HEBP1: variants seen among roughly 807,000 people sequenced by gnomAD.
HEBP1 encodes heme binding protein 1, also known as heme-binding protein 1.
A neutral mutation model predicts 20.4 loss-of-function variants in HEBP1; 13 were observed. The ratio of observed to expected loss-of-function variants is 0.64; its 90% CI spans 0.42 to 1.01. HEBP1 has a LOEUF of 1.01. Among genes scored for constraint, HEBP1 ranks in the 50% least tolerant of loss-of-function variants. HEBP1 has a pLI of 0.00. For synonymous variants in HEBP1, 92 were observed against 90.7 expected, an observed-to-expected ratio of 1.01 and a Z score of -0.08; for missense variants, 241 against 247.3, an observed-to-expected ratio of 0.97 and a Z score of 0.17.
chr12:12,993,624 G>C (rs1341987378), intron 1 of HEBP1, among the ~76,000 whole-genome samples: 1 of 152,072 alleles, frequency 6.6e-6, no homozygotes, highest in East Asian at 1.9e-4. Flanking sequence ...ATTCAGAATA[G>C]AGGTATCAGA....
chr12:12,985,122 TG>T (rs1369608574), intron 3 of HEBP1, among the ~76,000 whole-genome samples: 2 of 151,082 alleles, frequency 1.3e-5, no homozygotes, highest in African/African-American at 4.9e-5. Context: ...CACTCCAGCC[TG>T]GGCAACAGAG....
intron 3 of HEBP1, chr12:12,980,231 G>A (rs2136539080): frequency 6.6e-6 from 1 of 152,354 alleles, no homozygotes; most frequent in East Asian, 1.9e-4. Context: ...TGTGCTTATT[G>A]AGTTGAACAT....
intron 3 of HEBP1, among the ~76,000 whole-genome samples, chr12:12,978,199 G>GTTTTTTTTTT (rs76634642): frequency 1.3e-5 from 1 of 75,056 alleles, no homozygotes; most frequent in African/African-American, 5.5e-5. Flanking sequence ...CTACGAAAGG[G>GTTTTTTTTTT]TTTTTTTTTT....
At chr12:12,977,457 C>G (rs1001169003) in intron 3 of HEBP1, 4 of 152,220 alleles carry the variant, frequency 2.6e-5, no homozygotes, top group Admixed American at 2.6e-4. Context: ...TGCCTGTGGT[C>G]CCAGCTACTT....
At chr12:12,978,696 A>G (rs1484940908) in intron 3 of HEBP1, among the ~76,000 whole-genome samples, 2 of 151,936 alleles carry the variant, frequency 1.3e-5, no homozygotes, top group African/African-American at 4.8e-5. Context: ...ATGTGGAGGG[A>G]GGTAAGAGAG....
intron 3 of HEBP1, among the ~76,000 whole-genome samples, chr12:12,982,086 G>C (rs763232074): frequency 2.0e-5 from 3 of 152,156 alleles, no homozygotes; most frequent in Non-Finnish European, 4.4e-5. Context: ...GCCTCCCAAA[G>C]TACTAGAATT....
At chr12:12,993,171 CT>C (rs1864247218) in intron 1 of HEBP1, among the ~76,000 whole-genome samples, 12 of 104,450 alleles carry the variant, frequency 1.1e-4, no homozygotes, top group African/African-American at 4.6e-4. Context: ...TCCTTCCTCT[CT>C]CTCTCTCTCT....
chr12:12,990,490 A>G (rs535429643), intron 1 of HEBP1, among the ~76,000 whole-genome samples: 3 of 152,272 alleles, frequency 2.0e-5, no homozygotes, highest in South Asian at 2.1e-4. Context: ...TGCAAAAATT[A>G]TAACTGAGGA....
At position 12,975,291 on chromosome 12, in the gene HEBP1, T is replaced by C. The variant is rs1484525848; in HGVS notation, c.*17A>G. 2 of 1,611,932 alleles carry C rather than the reference T, an allele frequency of 1.2e-6. No homozygotes were observed. The highest frequency in any genetic ancestry group is 1.7e-6 in the Non-Finnish European group (2 of 1,179,140). On this transcript the variant is annotated 3_prime_UTR_variant, in exon 4 of 4. Coordinates refer to ENST00000014930, the MANE Select transcript of HEBP1 (RefSeq NM_015987.5). ...ACAGAGGCACACTTCCAGTAAGTTC[T>C]TGGTTCAGTGGGTCACTCATGTCTT...
At chr12:12,978,709 G>A (rs751636883) in intron 3 of HEBP1, among the ~76,000 whole-genome samples, 2 of 152,124 alleles carry the variant, frequency 1.3e-5, no homozygotes, top group Non-Finnish European at 2.9e-5. Context: ...TAAGAGAGAG[G>A]AAGGAAGAGA....
chr12:12,997,087 AT>A (rs1407102875), intron 1 of HEBP1, among the ~76,000 whole-genome samples: 1 of 152,202 alleles, frequency 6.6e-6, no homozygotes, highest in Non-Finnish European at 1.5e-5. Flanking sequence ...TGGAAAAGAT[AT>A]TTTTATACTC....
intron 1 of HEBP1, among the ~76,000 whole-genome samples, chr12:12,995,007 G>A (rs780049262): frequency 7.2e-5 from 11 of 152,242 alleles, no homozygotes; most frequent in African/African-American, 2.4e-4. Context: ...TTCTACCTAC[G>A]TTGCCAGCCA....
Position 12,987,332 on chromosome 12 carries a change from C to A in HEBP1, c.218G>T (p.Gly73Val). 1 of 1,611,752 alleles carries A rather than the reference C, an allele frequency of 6.2e-7. No homozygotes were observed. The highest frequency in any genetic ancestry group is 8.5e-7 in the Non-Finnish European group (1 of 1,178,552). Reference sequence around the variant, plus strand: ...AGGGACTGTCATCCCCATCCCAATTCCTGAAAACACAAAAGCACAGAGTGA... The same window carrying A: ...AGGGACTGTCATCCCCATCCCAATTACTGAAAACACAAAAGCACAGAGTGA... ...AKYAGGTNDK[G>V]IGMGMTVPIS... is the part of the protein sequence containing the mutation. The change falls in exon 3 of 4, where the codon GGA (glycine) becomes GTA (valine). Residue 73 changes from glycine (G) to valine (V), a missense_variant and splice_region_variant. By Grantham distance (109) the Gly-to-Val change is moderately radical. Transcript: ENST00000014930.
Position 12,986,609 on chromosome 12 carries a change from A to G in HEBP1, c.398+543T>C, listed in dbSNP as rs1220851918. On this transcript the variant is annotated intron_variant, in intron 3 of 3. Coordinates refer to ENST00000014930, the MANE Select transcript of HEBP1 (RefSeq NM_015987.5). The surrounding 1 kb of genome is among the most constrained non-coding windows in gnomAD (Gnocchi z 4.3). ...ACCATTTGCACCTGCTATTCTCTAC[A>G]GTCAAGGGAAAATGACCCCACATGA... The G allele has an allele frequency of 1.3e-5, 2 of 152,346 alleles. No homozygotes were observed. The highest frequency in any genetic ancestry group is 4.8e-5 in the African/African-American group (2 of 41,448). 9.4% of individuals were successfully genotyped at this position (152,346 alleles called of 1,614,324 possible). A position where few individuals can be genotyped will look rare whatever the true frequency, so the allele number is the denominator to read the frequency against.
At chr12:12,980,460 G>A (rs1864064692) in intron 3 of HEBP1, 1 of 152,142 alleles carries the variant, frequency 6.6e-6, no homozygotes, top group Admixed American at 6.6e-5. Flanking sequence ...ATGAAGGGAA[G>A]GTATTAAGAA....
intron 2 of HEBP1, among the ~76,000 whole-genome samples, chr12:12,988,338 G>A (rs998073330): frequency 2.0e-5 from 3 of 152,140 alleles, no homozygotes. Context: ...TTAAGACAGT[G>A]TTAAGAAGGA....
intron 1 of HEBP1, among the ~76,000 whole-genome samples, chr12:12,999,162 A>G (rs541005970): frequency 2.0e-5 from 3 of 152,360 alleles, no homozygotes; most frequent in African/African-American, 7.2e-5. Flanking sequence ...CCCCTTATCT[A>G]TAGTAGATAC....
Position 12,995,260 on chromosome 12 carries a change from T to C in HEBP1, c.78+4777A>G, listed in dbSNP as rs569035845. On this transcript the variant is annotated intron_variant, in intron 1 of 3. Coordinates refer to ENST00000014930, the MANE Select transcript of HEBP1 (RefSeq NM_015987.5). ...CGCTGTACCTTCATAACACAATACT[T>C]ATTGTAATTACAATTAAATGATGTG... is the stretch of plus-strand genomic sequence containing the variant. 7.9e-4 allele frequency among the ~76,000 whole-genome samples: 120 copies of C among 152,284 alleles called. 1 individual carries two copies. The highest frequency in any genetic ancestry group is 1.3e-4 in the Non-Finnish European group (9 of 68,030).
At chr12:12,992,730 T>C (rs1028872501) in intron 1 of HEBP1, among the ~76,000 whole-genome samples, 1 of 152,206 alleles carries the variant, frequency 6.6e-6, no homozygotes, top group African/African-American at 2.4e-5. Flanking sequence ...TAGGGTGTTT[T>C]GCTCTTTCTG....
Sources: allele counts gnomAD v4.1 joint callset (sites outside exome capture counted in the v4.1 genomes callset), GRCh38; gene constraint gnomAD v4.1.1; non-coding constraint Gnocchi (gnomAD v3.1); transcripts MANE v1.5; gene names NCBI Gene and HGNC (gene_info 2026-07-23, HGNC 2026-07-21).